NFIC: variants seen among roughly 807,000 people sequenced by gnomAD.
NFIC encodes the protein nuclear factor I C.
Under a neutral mutation model 54.4 loss-of-function variants are expected in NFIC, and 12 were observed. That is an observed-to-expected ratio of 0.22 (90% CI 0.14 to 0.36). The LOEUF (loss-of-function observed/expected upper bound fraction) is 0.36. Among genes scored for constraint, NFIC ranks in the 10% least tolerant of loss-of-function variants. The pLI is 1.00. For synonymous variants in NFIC, 322 were observed against 319.2 expected (o/e 1.01, Z -0.09); for missense variants, 575 against 718.2 (o/e 0.80, Z 2.28).
chr19:3,364,212 A>T (rs950755281), upstream of NFIC, among the ~76,000 whole-genome samples: 3 of 151,762 alleles, frequency 2.0e-5, no homozygotes, highest in South Asian at 6.2e-4. Context: ...GAGCTAAATC[A>T]TGCACCCATC....
intron 6 of NFIC, among the ~76,000 whole-genome samples, chr19:3,435,640 T>A (rs2082189111): frequency 6.6e-6 from 1 of 151,958 alleles, no homozygotes; most frequent in Admixed American, 6.6e-5. Flanking sequence ...CTCATTGGGG[T>A]CCTTCTTGAG....
At chr19:3,376,570 C>T in intron 1 of NFIC, among the ~76,000 whole-genome samples, 1 of 151,732 alleles carries the variant, frequency 6.6e-6, no homozygotes, top group Non-Finnish European at 1.5e-5. Flanking sequence ...GACTCCATCT[C>T]TGCAAAAATA....
chr19:3,435,809 G>GTCTTTCTT (rs10567490), intron 6 of NFIC, among the ~76,000 whole-genome samples: 31 of 147,672 alleles, frequency 2.1e-4, no homozygotes, highest in Non-Finnish European at 3.0e-4. Context: ...TCTCTGGGGT[G>GTCTTTCTT]TCTTTCTTTC....
At chr19:3,405,314 T>C (rs754327327) in intron 2 of NFIC, among the ~76,000 whole-genome samples, 4 of 152,130 alleles carry the variant, frequency 2.6e-5, no homozygotes, top group Non-Finnish European at 5.9e-5. Flanking sequence ...TCCCTGTCCC[T>C]GGGGCGGGCG....
chr19:3,380,127 A>C (rs2145468131), intron 1 of NFIC, among the ~76,000 whole-genome samples: 1 of 151,196 alleles, frequency 6.6e-6, no homozygotes, highest in Admixed American at 6.6e-5. Flanking sequence ...CAGCCTCCTG[A>C]GTAGCTGGGA....
intron 2 of NFIC, among the ~76,000 whole-genome samples, chr19:3,389,129 G>A (rs144870560): frequency 2.0e-5 from 3 of 152,250 alleles, no homozygotes; most frequent in African/African-American, 4.8e-5. Context: ...AGTGCAGGCC[G>A]TGCACACTCA....
intron 2 of NFIC, among the ~76,000 whole-genome samples, chr19:3,401,661 G>A (rs138712205): frequency 5.2e-4 from 79 of 152,264 alleles, no homozygotes; most frequent in African/African-American, 1.8e-3. Context: ...TGGGGCTCTG[G>A]GCTCCTGCCA....
exon 1 of NFIC, chr19:3,359,663 C>G (rs551469624): frequency 7.1e-7 from 1 of 1,404,306 alleles, no homozygotes. Flanking sequence ...GCGCCGGCCT[C>G]GCCTCCTCGC....
Position 3,468,506 on chromosome 19 carries a change from G to A in NFIC, c.*5737G>A, listed in dbSNP as rs1029755656. On this transcript the variant is annotated 3_prime_UTR_variant, in exon 11 of 11. Transcript: ENST00000443272. ...CCCAGCTTCCTGCCCACCCAGCCCT[G>A]AGCATTCTCACACAGAGAAAGAACA... 1.3e-5 allele frequency: 2 copies of A among 151,766 alleles called. No homozygotes were observed. Among genetic ancestry groups the A allele is most frequent in the African/African-American group, 2.4e-5 (1 of 41,308 alleles). The allele number at this position is 151,766 out of a possible 1,614,324, so 9.4% of individuals were successfully genotyped here.
chr19:3,389,707 G>A (rs1171691601), intron 2 of NFIC, among the ~76,000 whole-genome samples: 1 of 152,180 alleles, frequency 6.6e-6, no homozygotes. Context: ...TTCCGGCCGG[G>A]CGCAGTGGCT....
chr19:3,379,133 C>T (rs2081155805), intron 1 of NFIC, among the ~76,000 whole-genome samples: 2 of 152,134 alleles, frequency 1.3e-5, no homozygotes, highest in South Asian at 4.1e-4. Context: ...GACCTTGGCT[C>T]ACTGCAACCT....
intron 10 of NFIC, 189 bp downstream of exon 10, chr19:3,456,824 C>T: frequency 3.2e-6 from 2 of 633,186 alleles, no homozygotes; most frequent in Non-Finnish European, 2.8e-6. Flanking sequence ...TTCCCTCCAC[C>T]TTGGTCCTGG....
chr19:3,412,020 C>T (rs1457938110), intron 2 of NFIC, among the ~76,000 whole-genome samples: 1 of 152,180 alleles, frequency 6.6e-6, no homozygotes, highest in Non-Finnish European at 1.5e-5. Context: ...ACACACAAAC[C>T]GCCAACATTT....
chr19:3,394,673 C>T (rs370250950), intron 2 of NFIC, among the ~76,000 whole-genome samples: 12 of 151,748 alleles, frequency 7.9e-5, no homozygotes, highest in African/African-American at 2.2e-4. Context: ...GGGCCACAGA[C>T]GGGTTCCGTG....
rs538117715 is a variant in NFIC, at chr19:3,396,548, A to G, written c.562+14305A>G. On this transcript the variant is annotated intron_variant, in intron 2 of 10. Transcript: ENST00000443272. ...TCGGGCACACCCTCACTGGGTCTGG[A>G]TCCCAGCCTGTCTACCACCAGGCGT... is the stretch of plus-strand genomic sequence containing the variant. Among the ~76,000 whole-genome samples the G allele has an allele frequency of 4.1e-4, 62 of 151,648 alleles. No homozygotes were observed. In the South Asian group the frequency reaches 0.012, roughly 30 times the overall value.
intron 6 of NFIC, among the ~76,000 whole-genome samples, chr19:3,448,219 C>T (rs1178971789): frequency 6.6e-6 from 1 of 152,176 alleles, no homozygotes; most frequent in African/African-American, 2.4e-5. Flanking sequence ...ATTACAGGCA[C>T]CCGCCACCAC....
intron 3 of NFIC, among the ~76,000 whole-genome samples, chr19:3,431,055 C>G (rs1427552083): frequency 6.6e-6 from 1 of 151,806 alleles, no homozygotes; most frequent in Non-Finnish European, 1.5e-5. Flanking sequence ...TAGCCTGTGT[C>G]AGAGCCTCGT....
At chr19:3,434,199 G>A in intron 4 of NFIC, 78 bp from the exon 5 acceptor site, 1 of 1,522,050 alleles carries the variant, frequency 6.6e-7, no homozygotes, top group Non-Finnish European at 8.8e-7. Flanking sequence ...GCACCCAGTG[G>A]CTTTCCCTAC....
chr19:3,460,231 C>A (rs2082619974), intron 10 of NFIC, among the ~76,000 whole-genome samples: 1 of 152,172 alleles, frequency 6.6e-6, no homozygotes, highest in Admixed American at 6.5e-5. Flanking sequence ...ACAGGATGGG[C>A]CCTGGACGCC....
Sources: allele counts gnomAD v4.1 joint callset (sites outside exome capture counted in the v4.1 genomes callset), GRCh38; gene constraint gnomAD v4.1.1; transcripts MANE v1.5; gene names NCBI Gene and HGNC (gene_info 2026-07-23, HGNC 2026-07-21).